The following SLMAP variants were observed in gnomAD, a reference collection of about 807,000 sequenced individuals.
The protein encoded by SLMAP is sarcolemmal membrane-associated protein.
Under a neutral mutation model 128.8 loss-of-function variants are expected in SLMAP, and 44 were observed. The observed-to-expected ratio is 0.34, with a 90% CI of 0.27 to 0.44. The LOEUF is 0.44. SLMAP is among the 20% of genes least tolerant of loss of function. The pLI is 1.00. For missense variants in SLMAP, 787 were observed against 985.3 expected (o/e 0.80, Z 2.69); for synonymous variants, 327 against 348.8 (o/e 0.94, Z 0.70).
In SLMAP at chr3:57,824,184, TAAGTAAACTTG is replaced by T. The variant is rs1577085995; in HGVS notation, c.199-7195_199-7185del. Among the ~76,000 whole-genome samples the T allele has an allele frequency of 2.6e-5, 4 of 152,258 alleles. No individual in the cohort carries two copies. The East Asian group carries it at 7.7e-4, about 29-fold the overall frequency. ...AGATTTGAACAGGCAGAAGAAAGAA[TAAGTAAACTTG>T]AAGACAAAGCAATTGCAATTACCCT... is the stretch of plus-strand genomic sequence containing the variant. On this transcript the variant is annotated intron_variant, in intron 2 of 24. Transcript: ENST00000671191.
intron 6 of SLMAP, among the ~76,000 whole-genome samples, chr3:57,853,379 G>T (rs560137608): frequency 6.6e-6 from 1 of 152,240 alleles, no homozygotes; most frequent in East Asian, 1.9e-4. Context: ...TCAAGGATGT[G>T]GAGAGCAATA....
intron 2 of SLMAP, among the ~76,000 whole-genome samples, chr3:57,796,646 C>T (rs1418811591): frequency 6.6e-6 from 1 of 152,076 alleles, no homozygotes; most frequent in Non-Finnish European, 1.5e-5. Context: ...TTTCTAGAGA[C>T]CTAATCTAAG....
chr3:57,895,542 G>C (rs1215746623), intron 15 of SLMAP, among the ~76,000 whole-genome samples: 1 of 151,970 alleles, frequency 6.6e-6, no homozygotes, highest in Non-Finnish European at 1.5e-5. Flanking sequence ...CACCATCTTG[G>C]CCATGCTGGT....
intron 3 of SLMAP, among the ~76,000 whole-genome samples, chr3:57,837,348 T>C (rs1414808188): frequency 6.6e-6 from 1 of 152,146 alleles, no homozygotes; most frequent in Non-Finnish European, 1.5e-5. Context: ...GTCCCATTAA[T>C]CTTCATCTAT....
intron 22 of SLMAP, among the ~76,000 whole-genome samples, 167 bp from the exon 23 acceptor site, chr3:57,922,722 C>T (rs541053933): frequency 2.0e-5 from 3 of 152,232 alleles, no homozygotes; most frequent in East Asian, 1.9e-4. Flanking sequence ...CCACTGCGCC[C>T]GGCCAAAAGA....
At chr3:57,780,702 G>T (rs939613377) in intron 2 of SLMAP, among the ~76,000 whole-genome samples, 6 of 151,548 alleles carry the variant, frequency 4.0e-5, no homozygotes, top group African/African-American at 9.7e-5. Flanking sequence ...AGAACTCAGT[G>T]GCTCTATCTC....
intron 6 of SLMAP, among the ~76,000 whole-genome samples, chr3:57,855,510 G>C (rs2094724176): frequency 1.3e-5 from 2 of 151,968 alleles, no homozygotes; most frequent in African/African-American, 4.8e-5. Flanking sequence ...GAATGTGAAG[G>C]CCTGTGACAT....
chr3:57,760,629 G>A (rs531819341), intron 2 of SLMAP, among the ~76,000 whole-genome samples: 10 of 152,148 alleles, frequency 6.6e-5, no homozygotes, highest in East Asian at 5.8e-4. Flanking sequence ...GCTGAGGCAC[G>A]AGGGTTGCTT....
At chr3:57,763,164 G>A (rs1268636655) in intron 2 of SLMAP, among the ~76,000 whole-genome samples, 1 of 152,102 alleles carries the variant, frequency 6.6e-6, no homozygotes, top group Admixed American at 6.5e-5. Flanking sequence ...TTGGGGTACC[G>A]GTGACATGCT....
intron 14 of SLMAP, among the ~76,000 whole-genome samples, chr3:57,879,520 G>A (rs370733404): frequency 2.2e-4 from 34 of 151,698 alleles, no homozygotes; most frequent in African/African-American, 7.8e-4. Context: ...CATATTGGGC[G>A]GAAAAAAAGC....
At chr3:57,856,990 G>A (rs1353361006) in intron 6 of SLMAP, among the ~76,000 whole-genome samples, 4 of 151,992 alleles carry the variant, frequency 2.6e-5, no homozygotes, top group Non-Finnish European at 4.4e-5. Flanking sequence ...TTGTTTTGTG[G>A]TGCATGACTG....
chr3:57,843,343 G>C (rs1283942310), intron 4 of SLMAP, among the ~76,000 whole-genome samples: 1 of 102,784 alleles, frequency 9.7e-6, no homozygotes, highest in Non-Finnish European at 1.8e-5. Context: ...TGACAGCCTG[G>C]TTCTGTTGCC....
chr3:57,868,970 TTATA>T (rs1011184730), intron 13 of SLMAP, among the ~76,000 whole-genome samples: 1 of 138,490 alleles, frequency 7.2e-6, no homozygotes, highest in Admixed American at 8.2e-5. Context: ...TATGTGTGTA[TTATA>T]TATAATATAT....
chr3:57,797,001 G>A (rs2086880518), intron 2 of SLMAP, among the ~76,000 whole-genome samples: 1 of 151,174 alleles, frequency 6.6e-6, no homozygotes, highest in Non-Finnish European at 1.5e-5. Context: ...CAATGTAGTA[G>A]GACCCCCGTC....
intron 17 of SLMAP, chr3:57,900,576 G>C (rs1460631385): frequency 2.0e-5 from 3 of 152,350 alleles, no homozygotes; most frequent in African/African-American, 7.2e-5. Context: ...AACACTATGG[G>C]AGGCTGAGGC....
At chr3:57,848,583 TCCCTCCTC>T (rs2094377272) in intron 5 of SLMAP, among the ~76,000 whole-genome samples, 6 of 84,942 alleles carry the variant, frequency 7.1e-5, no homozygotes, top group Non-Finnish European at 1.6e-4. Context: ...CTCTTCCTGC[TCCCTCCTC>T]TTCCTCCTTC....
chr3:57,890,277 G>A, intron 15 of SLMAP, 177 bp downstream of exon 15: 3 of 514,992 alleles, frequency 5.8e-6, no homozygotes, highest in African/African-American at 3.8e-5. Flanking sequence ...TTTAAGAAGG[G>A]TATCGTAACT....
intron 4 of SLMAP, among the ~76,000 whole-genome samples, chr3:57,842,312 G>A (rs1483207013): frequency 1.3e-5 from 2 of 151,956 alleles, no homozygotes; most frequent in Non-Finnish European, 2.9e-5. Flanking sequence ...AAGCAAAATA[G>A]CATAGGTTTT....
intron 2 of SLMAP, among the ~76,000 whole-genome samples, chr3:57,776,640 C>T (rs2082014110): frequency 6.6e-6 from 1 of 151,372 alleles, no homozygotes; most frequent in African/African-American, 2.4e-5. Context: ...GATTCTCCAG[C>T]CTCAGCCTCC....
Sources: allele counts gnomAD v4.1 joint callset (sites outside exome capture counted in the v4.1 genomes callset), GRCh38; gene constraint gnomAD v4.1.1; transcripts MANE v1.5; gene names NCBI Gene and HGNC (gene_info 2026-07-23, HGNC 2026-07-21).